Variants in NBEA observed in about 807,000 individuals in gnomAD.
NBEA encodes neurobeachin, also known as lysosomal-trafficking regulator 2.
A neutral mutation model predicts 343.4 loss-of-function variants in NBEA; 44 were observed. That is an observed-to-expected ratio of 0.13 (90% CI 0.10 to 0.16). NBEA has a LOEUF of 0.16. Ranked by LOEUF, NBEA falls within the 10% of genes least tolerant of loss-of-function variation. The pLI is 1.00. For synonymous variants in NBEA, 1,175 were observed against 1,238.7 expected (o/e 0.95, Z 1.08); for missense variants, 2,555 against 3,631.3 (o/e 0.70, Z 7.62).
At chr13:35,183,025 A>G (rs1197375760) in intron 29 of NBEA, among the ~76,000 whole-genome samples, 1 of 152,000 alleles carries the variant, frequency 6.6e-6, no homozygotes, top group Non-Finnish European at 1.5e-5. Flanking sequence ...TCTAAACTTT[A>G]TACCAAAGTG....
At chr13:35,542,888 T>A (rs143785534) in intron 41 of NBEA, among the ~76,000 whole-genome samples, 1,945 of 152,184 alleles carry the variant, frequency 0.013, 17 homozygotes, top group Non-Finnish European at 0.02. Context: ...GAACATTTTA[T>A]ATAATTTCTC....
At chr13:35,044,916 G>C in intron 2 of NBEA, 31 bp from the exon 3 acceptor site, 1 of 1,545,834 alleles carries the variant, frequency 6.5e-7, no homozygotes, top group Non-Finnish European at 8.9e-7. Flanking sequence ...CTCATGACTA[G>C]AGTTCAGAAT....
chr13:35,079,788 G>T (rs957171415), intron 10 of NBEA, among the ~76,000 whole-genome samples: 1 of 152,088 alleles, frequency 6.6e-6, no homozygotes, highest in African/African-American at 2.4e-5. Context: ...TAGAAAGTAG[G>T]TTAGGTCACT....
intron 47 of NBEA, among the ~76,000 whole-genome samples, chr13:35,599,118 A>G (rs1025606180): frequency 6.6e-6 from 1 of 152,082 alleles, no homozygotes; most frequent in Non-Finnish European, 1.5e-5. Context: ...ACCACTACTT[A>G]AGAGGGACTG....
chr13:35,014,006 C>A (rs1427373566), intron 1 of NBEA, among the ~76,000 whole-genome samples: 9 of 151,856 alleles, frequency 5.9e-5, no homozygotes, highest in Admixed American at 5.9e-4. Flanking sequence ...AATGCCTGAC[C>A]CGTTTATTGT....
intron 38 of NBEA, among the ~76,000 whole-genome samples, chr13:35,359,042 C>T (rs1466273794): frequency 6.6e-6 from 1 of 152,070 alleles, no homozygotes; most frequent in Non-Finnish European, 1.5e-5. Context: ...TAACATGAGC[C>T]AGATGATTTA....
chr13:35,180,660 A>G (rs989263178), intron 28 of NBEA, among the ~76,000 whole-genome samples: 5 of 151,660 alleles, frequency 3.3e-5, no homozygotes, highest in African/African-American at 1.2e-4. Flanking sequence ...ATAATGGACT[A>G]TTATTTCTTT....
At chr13:35,639,975 A>G (rs1022073486) in intron 49 of NBEA, among the ~76,000 whole-genome samples, 1 of 151,154 alleles carries the variant, frequency 6.6e-6, no homozygotes. Flanking sequence ...AAAAAAAAAA[A>G]GCAGTTGTAA....
rs2069403282 is a variant in NBEA at position 35,159,456 on chromosome 13, G to T, written c.3285G>T (p.Leu1095=). The T allele has an allele frequency of 6.2e-7, 1 of 1,613,270 alleles. No homozygotes were observed. The highest frequency in any genetic ancestry group is 8.5e-7 in the Non-Finnish European group (1 of 1,179,662). Residue 1095 remains leucine (L), a synonymous_variant, in exon 22 of 59, where the codon CTG becomes CTT. Transcript: ENST00000379939. ...ENGALVEVES[L]LDNVYSAAVE... is the part of the protein sequence containing the mutation. The stretch of plus-strand genomic sequence containing the variant: ...GTGCCCTTGTGGAGGTTGAATCTCT[G>T]TTGGATAATGTATATAGTGCTGCTG...
chr13:35,068,744 G>T (rs2152573157), intron 8 of NBEA, among the ~76,000 whole-genome samples: 1 of 152,272 alleles, frequency 6.6e-6, no homozygotes, highest in African/African-American at 2.4e-5. Flanking sequence ...GGTCTGCACA[G>T]TGTTAAAATG....
chr13:35,542,047 A>AGGTC (rs1193763038), intron 41 of NBEA, among the ~76,000 whole-genome samples: 5 of 152,068 alleles, frequency 3.3e-5, no homozygotes, highest in African/African-American at 1.2e-4. Flanking sequence ...TAAGGTAAGC[A>AGGTC]GGTCCATAAA....
At chr13:35,530,247 C>T (rs2078192121) in intron 41 of NBEA, among the ~76,000 whole-genome samples, 1 of 152,142 alleles carries the variant, frequency 6.6e-6, no homozygotes, top group African/African-American at 2.4e-5. Flanking sequence ...CAAGTCCATC[C>T]TGTCAAGCTG....
intron 40 of NBEA, among the ~76,000 whole-genome samples, chr13:35,470,340 A>G (rs950033857): frequency 4.6e-5 from 7 of 152,132 alleles, no homozygotes; most frequent in East Asian, 1.9e-4. Context: ...ATGTATTTCA[A>G]TAAATCAATG....
intron 1 of NBEA, among the ~76,000 whole-genome samples, chr13:35,035,152 A>G (rs1436167616): frequency 6.6e-6 from 1 of 151,396 alleles, no homozygotes; most frequent in African/African-American, 2.4e-5. Context: ...TGATATTGGC[A>G]CTTATAAACA....
chr13:35,415,008 TC>T (rs1337123574), intron 38 of NBEA, among the ~76,000 whole-genome samples: 1 of 152,188 alleles, frequency 6.6e-6, no homozygotes, highest in African/African-American at 2.4e-5. Flanking sequence ...TTTTCATGTG[TC>T]TTTTGGCTGC....
intron 2 of NBEA, among the ~76,000 whole-genome samples, chr13:35,043,055 C>A (rs1566200479): frequency 6.6e-6 from 1 of 151,866 alleles, no homozygotes; most frequent in East Asian, 1.9e-4. Flanking sequence ...ATCTTGTTCT[C>A]CAGCAAAGAA....
chr13:35,415,993 G>A (rs1471404133), intron 38 of NBEA, among the ~76,000 whole-genome samples: 2 of 152,088 alleles, frequency 1.3e-5, no homozygotes, highest in Admixed American at 6.6e-5. Flanking sequence ...TCTCTTTGAA[G>A]CAATTGTGAA....
rs1321919310 is a variant in NBEA, at chr13:35,482,624, TAA to T, written c.6585+10099_6585+10100del. 2.1e-5 allele frequency among the ~76,000 whole-genome samples: 3 copies of T among 143,750 alleles called. No individual in the cohort carries two copies. In the East Asian group the frequency reaches 5.9e-4, roughly 28 times the overall value. 94.3% of individuals were successfully genotyped at this position (143,750 alleles called of 152,430 possible). On this transcript the variant is annotated intron_variant, in intron 41 of 58. Transcript: ENST00000379939. Reference sequence around the variant, plus strand: ...TGTAAGATGTAGTGGTGTTCCTGATTAAAAAAAAAAAAGTGGGAACCTAGTGA... The same window carrying T: ...TGTAAGATGTAGTGGTGTTCCTGATTAAAAAAAAAAGTGGGAACCTAGTGA...
At chr13:35,126,385 A>T (rs1413414303) in intron 17 of NBEA, among the ~76,000 whole-genome samples, 3 of 152,166 alleles carry the variant, frequency 2.0e-5, no homozygotes, top group Admixed American at 2.0e-4. Context: ...ATGGACTAAC[A>T]CAGATAGCAT....
Sources: allele counts gnomAD v4.1 joint callset (sites outside exome capture counted in the v4.1 genomes callset), GRCh38; gene constraint gnomAD v4.1.1; transcripts MANE v1.5; gene names NCBI Gene and HGNC (gene_info 2026-07-23, HGNC 2026-07-21).